The following CNTN4 variants were observed in gnomAD, a reference collection of about 807,000 sequenced individuals.
The protein encoded by CNTN4 is contactin 4, also known as contactin-4.
CNTN4 carries 77 observed loss-of-function variants against 122.5 expected under a neutral mutation model. That is an observed-to-expected ratio of 0.63 (90% confidence interval 0.52 to 0.76). CNTN4 has a LOEUF of 0.76. CNTN4 is among the 30% of genes least tolerant of loss of function. CNTN4 has a pLI of 0.00. For missense variants in CNTN4, 1,256 were observed against 1,259.1 expected (o/e 1.00, Z 0.04); for synonymous variants, 512 against 447.0 (o/e 1.15, Z -1.83).
At chr3:2,514,481 A>T (rs1013109994) in intron 3 of CNTN4, among the ~76,000 whole-genome samples, 1 of 152,258 alleles carries the variant, frequency 6.6e-6, no homozygotes, top group Admixed American at 6.5e-5. Context: ...TTAAAAAAAA[A>T]AAAATGAATA....
intron 3 of CNTN4, chr3:2,362,401 G>A: frequency 2.9e-6 from 1 of 345,210 alleles, no homozygotes; most frequent in South Asian, 2.3e-5. Context: ...AATTCCTGGG[G>A]GTGTAGCCCC....
At chr3:2,708,196 A>G (rs901809859) in intron 4 of CNTN4, among the ~76,000 whole-genome samples, 4 of 152,292 alleles carry the variant, frequency 2.6e-5, no homozygotes, top group Non-Finnish European at 1.5e-5. Flanking sequence ...TTCAAAATGA[A>G]GGCTGGTGAC....
At chr3:2,175,275 T>C (rs1052723891) in intron 2 of CNTN4, among the ~76,000 whole-genome samples, 1 of 152,060 alleles carries the variant, frequency 6.6e-6, no homozygotes, top group Admixed American at 6.6e-5. Flanking sequence ...CCTTGGATTT[T>C]TTTTTTGTAG....
At chr3:3,015,099 T>A (rs991078800) in intron 14 of CNTN4, among the ~76,000 whole-genome samples, 1 of 152,108 alleles carries the variant, frequency 6.6e-6, no homozygotes, top group African/African-American at 2.4e-5. Flanking sequence ...ATTTTCATTC[T>A]CCCTCCTTTA....
intron 17 of CNTN4, among the ~76,000 whole-genome samples, 194 bp from the exon 18 acceptor site, chr3:3,036,985 T>G (rs1311041652): frequency 6.6e-6 from 1 of 152,128 alleles, no homozygotes; most frequent in Admixed American, 6.5e-5. Context: ...TAGAGTGTGT[T>G]AGTTTAACAT....
At chr3:2,527,705 G>C (rs1010695914) in intron 3 of CNTN4, among the ~76,000 whole-genome samples, 1 of 152,054 alleles carries the variant, frequency 6.6e-6, no homozygotes, top group African/African-American at 2.4e-5. Context: ...AGAAATACCT[G>C]TCTATTATTT....
At chr3:2,735,898 G>A (rs1297855985) in intron 4 of CNTN4, 2 of 497,290 alleles carry the variant, frequency 4.0e-6, no homozygotes, top group African/African-American at 1.9e-5. Flanking sequence ...GAAGCACAAA[G>A]TAAAGGGGTA....
At chr3:2,802,564 C>G (rs1435080133) in intron 6 of CNTN4, among the ~76,000 whole-genome samples, 1 of 152,132 alleles carries the variant, frequency 6.6e-6, no homozygotes, top group Non-Finnish European at 1.5e-5. Flanking sequence ...GTCAATGAGT[C>G]AGCATTATGT....
chr3:2,675,495 C>T (rs2084792687), intron 4 of CNTN4, among the ~76,000 whole-genome samples: 1 of 152,176 alleles, frequency 6.6e-6, no homozygotes, highest in Admixed American at 6.5e-5. Flanking sequence ...TAGCGCTTAT[C>T]ACTATCTACA....
chr3:2,373,403 G>A (rs750415973), intron 3 of CNTN4, among the ~76,000 whole-genome samples: 1 of 152,200 alleles, frequency 6.6e-6, no homozygotes, highest in Admixed American at 6.5e-5. Flanking sequence ...GCCGTGAATC[G>A]AGTACGTACA....
At chr3:2,788,456 T>G (rs1327483910) in intron 6 of CNTN4, among the ~76,000 whole-genome samples, 4 of 152,220 alleles carry the variant, frequency 2.6e-5, no homozygotes, top group African/African-American at 7.2e-5. Flanking sequence ...ATGACACAAC[T>G]GCCCATTCAC....
intron 4 of CNTN4, among the ~76,000 whole-genome samples, chr3:2,723,230 G>A (rs780400490): frequency 2.6e-5 from 4 of 152,052 alleles, no homozygotes; most frequent in African/African-American, 7.2e-5. Context: ...CCATCACTGC[G>A]TATCTGTGTG....
At chr3:2,140,879 T>G (rs1297701204) in intron 2 of CNTN4, among the ~76,000 whole-genome samples, 1 of 152,156 alleles carries the variant, frequency 6.6e-6, no homozygotes, top group African/African-American at 2.4e-5. Flanking sequence ...TGTGTATGAG[T>G]TGACTGTTTC....
At chr3:2,334,949 T>G (rs2043883470) in intron 2 of CNTN4, among the ~76,000 whole-genome samples, 1 of 152,218 alleles carries the variant, frequency 6.6e-6, no homozygotes. Context: ...AGGGTCTAGA[T>G]CAGGACTGTT....
At chr3:2,200,094 A>G (rs2038028074) in intron 2 of CNTN4, among the ~76,000 whole-genome samples, 1 of 152,172 alleles carries the variant, frequency 6.6e-6, no homozygotes, top group Admixed American at 6.6e-5. Flanking sequence ...CCCCTGCAGT[A>G]TGTAAAGAAT....
At position 2,797,554 on chromosome 3, in the gene CNTN4, C is replaced by T. The variant is rs191061127; in HGVS notation, c.359-21932C>T. ...CGGAAGTTGCAGTGAGCCGAGATCG[C>T]GCCACTGCACTCCAGCCTGGGCAAC... On this transcript the variant is annotated intron_variant, in intron 6 of 24. Transcript: ENST00000418658. Among the ~76,000 whole-genome samples the T allele has an allele frequency of 2.8e-3, 428 of 152,202 alleles. 1 individual carries two copies. Among genetic ancestry groups the T allele is most frequent in the African/African-American group, 9.6e-3 (400 of 41,546 alleles).
Position 2,615,031 on chromosome 3 carries a change from C to T in CNTN4, c.55+43473C>T, listed in dbSNP as rs529659113. 3.9e-5 allele frequency among the ~76,000 whole-genome samples: 6 copies of T among 152,116 alleles called. No individual in the cohort carries two copies. The South Asian group carries it at 6.2e-4, about 16-fold the overall frequency. ...ATTGATAGTTCATGACAAGCAGTGA[C>T]GGCTCATTTCCTCAAAGTTTCCCTA... On this transcript the variant is annotated intron_variant, in intron 4 of 24. Transcript: ENST00000418658.
intron 3 of CNTN4, among the ~76,000 whole-genome samples, chr3:2,432,979 TTTTG>T (rs143427537): frequency 0.05 from 7,533 of 151,676 alleles, 267 homozygotes; most frequent in Non-Finnish European, 0.075. Context: ...TCATTTGTTT[TTTTG>T]TTTGTTTGTT....
intron 6 of CNTN4, among the ~76,000 whole-genome samples, chr3:2,781,640 A>G (rs946285644): frequency 1.3e-5 from 2 of 151,594 alleles, no homozygotes; most frequent in South Asian, 4.2e-4. Flanking sequence ...AATCAAATAC[A>G]TTTAAGAAAT....
Sources: gnomAD v4.1 joint callset for allele counts (sites outside exome capture counted in the v4.1 genomes callset) on GRCh38, gnomAD v4.1.1 for gene constraint, MANE v1.5 for transcripts, NCBI Gene and HGNC (gene_info 2026-07-23, HGNC 2026-07-21) for gene names.